Variants in BACH2 observed in about 807,000 individuals in gnomAD.
BACH2 encodes BACH transcriptional regulator 2, also known as transcription regulator protein BACH2.
Under a neutral mutation model 61.8 loss-of-function variants are expected in BACH2, and 5 were observed. The observed-to-expected ratio is 0.08, with a 90% CI of 0.04 to 0.17. The LOEUF (loss-of-function observed/expected upper bound fraction) is 0.17, where lower values mean the gene tolerates loss of function less well. Ranked by LOEUF, BACH2 falls within the 10% of genes least tolerant of loss-of-function variation. The probability of loss-of-function intolerance (pLI) is 1.00; values close to 1 mark genes in which losing one functional copy is unlikely to be tolerated. For synonymous variants in BACH2, 446 were observed against 440.1 expected, an observed-to-expected ratio of 1.01 and a Z score of -0.17; for missense variants, 824 against 1,091.1, an observed-to-expected ratio of 0.76 and a Z score of 3.45.
At chr6:90,158,772 G>C (rs1785083555) in intron 4 of BACH2, among the ~76,000 whole-genome samples, 1 of 148,572 alleles carries the variant, frequency 6.7e-6, no homozygotes, top group Non-Finnish European at 1.5e-5. Flanking sequence ...TGGTGGGGGG[G>C]GGGCACTTAC....
chr6:90,144,633 A>C (rs907537594), intron 4 of BACH2, among the ~76,000 whole-genome samples: 1 of 152,246 alleles, frequency 6.6e-6, no homozygotes, highest in Non-Finnish European at 1.5e-5. Flanking sequence ...CAGTCCTGAG[A>C]TATTTAAACA....
chr6:90,022,399 C>T (rs577994400), intron 5 of BACH2, among the ~76,000 whole-genome samples: 144 of 152,256 alleles, frequency 9.5e-4, no homozygotes, highest in Middle Eastern at 3.4e-3. Context: ...GCCTGGTCAA[C>T]ATGGTGAAAC....
In BACH2 at chr6:90,008,512, G is replaced by C; in HGVS notation, c.243+90C>G. ...ACATCAACTCCTGAGTGGGGACATG[G>C]CACCTAGTACATCTTCTAGCTCCTA... On this transcript the variant is annotated intron_variant, in intron 6 of 8. Coordinates refer to ENST00000257749, the MANE Select transcript of BACH2 (RefSeq NM_021813.4). This position sits in a 1 kb window ranked among gnomAD's most constrained non-coding sequence, Gnocchi z 4.1. 1 of 1,521,724 alleles carries C rather than the reference G, an allele frequency of 6.6e-7. No individual in the cohort carries two copies. Among genetic ancestry groups the C allele is most frequent in the Non-Finnish European group, 9.0e-7 (1 of 1,116,796 alleles). 94.3% of individuals were successfully genotyped at this position (1,521,724 alleles called of 1,614,324 possible). A position where few individuals can be genotyped will look rare whatever the true frequency, so the allele number is the denominator to read the frequency against.
At chr6:90,069,745 T>C (rs187951355) in intron 5 of BACH2, among the ~76,000 whole-genome samples, 1 of 152,058 alleles carries the variant, frequency 6.6e-6, no homozygotes, top group Non-Finnish European at 1.5e-5. Context: ...CTTTACAGAA[T>C]GCAGACAAGA....
At chr6:90,245,164 A>G (rs1037414027) in intron 3 of BACH2, among the ~76,000 whole-genome samples, 1 of 152,270 alleles carries the variant, frequency 6.6e-6, no homozygotes, top group African/African-American at 2.4e-5. Context: ...ATGCCACTGC[A>G]ATCCTGCCTG....
chr6:89,941,013 C>T (rs1251706217), intron 7 of BACH2, among the ~76,000 whole-genome samples: 1 of 152,058 alleles, frequency 6.6e-6, no homozygotes, highest in African/African-American at 2.4e-5. Context: ...TAAATGGACT[C>T]AATGAATCCC....
chr6:89,969,144 C>G (rs1582114238), intron 6 of BACH2, among the ~76,000 whole-genome samples: 1 of 149,674 alleles, frequency 6.7e-6, no homozygotes, highest in East Asian at 2.0e-4. Flanking sequence ...ACCTCCGCCT[C>G]CTGGGTTCAA....
intron 6 of BACH2, among the ~76,000 whole-genome samples, chr6:89,986,630 G>A (rs1052300281): frequency 1.3e-5 from 2 of 151,908 alleles, no homozygotes; most frequent in East Asian, 1.9e-4. Context: ...CTTTCCACCC[G>A]CTCTCTGAAT....
chr6:90,008,993 A>AT lies in BACH2; in HGVS notation c.-12-138dup. 9.6e-7 allele frequency: 1 copy of AT among 1,041,196 alleles called. No homozygotes were observed. The highest frequency in any genetic ancestry group is 1.4e-6 in the Non-Finnish European group (1 of 735,040). 64.5% of individuals were successfully genotyped at this position (1,041,196 alleles called of 1,614,324 possible). ...CATGAGCATGGCAGGAAGGAGGGGAATTACCAATCAGCATATTTGTGCTTA... is the reference window on the plus strand; with the variant it reads ...CATGAGCATGGCAGGAAGGAGGGGAATTTACCAATCAGCATATTTGTGCTTA... On this transcript the variant is annotated intron_variant, in intron 5 of 8. Transcript: ENST00000257749. The surrounding 1 kb of genome is among the most constrained non-coding windows in gnomAD (Gnocchi z 4.1).
At chr6:90,267,302 G>A (rs1771369151) in intron 2 of BACH2, among the ~76,000 whole-genome samples, 1 of 152,088 alleles carries the variant, frequency 6.6e-6, no homozygotes, top group South Asian at 2.1e-4. Context: ...GATCCAGCAG[G>A]CCCTTAAACA....
chr6:90,227,387 C>T (rs1202394189), intron 3 of BACH2, among the ~76,000 whole-genome samples: 1 of 152,162 alleles, frequency 6.6e-6, no homozygotes, highest in East Asian at 1.9e-4. Context: ...TCAGGCCTTA[C>T]AATCTTGTGA....
intron 7 of BACH2, among the ~76,000 whole-genome samples, chr6:89,947,608 C>T (rs1351326971): frequency 6.6e-6 from 1 of 151,918 alleles, no homozygotes; most frequent in Admixed American, 6.6e-5. Flanking sequence ...CTCTGTCACC[C>T]AGGCAGGAGT....
chr6:89,987,569 T>C (rs1375548961), intron 6 of BACH2, among the ~76,000 whole-genome samples: 1 of 152,180 alleles, frequency 6.6e-6, no homozygotes, highest in African/African-American at 2.4e-5. Context: ...TTCTCTTTCA[T>C]GCCAGAGGGT....
At chr6:90,052,716 C>T (rs988455320) in intron 5 of BACH2, among the ~76,000 whole-genome samples, 7 of 152,216 alleles carry the variant, frequency 4.6e-5, no homozygotes, top group Non-Finnish European at 1.0e-4. Context: ...CCACCACACC[C>T]AGCCCTTAAA....
At chr6:90,083,615 A>G (rs896391973) in intron 5 of BACH2, among the ~76,000 whole-genome samples, 2 of 152,208 alleles carry the variant, frequency 1.3e-5, no homozygotes, top group African/African-American at 4.8e-5. Context: ...GATTTCATAT[A>G]TTAGTTTTAA....
At chr6:90,179,102 G>T (rs1039970202) in intron 4 of BACH2, among the ~76,000 whole-genome samples, 2 of 152,084 alleles carry the variant, frequency 1.3e-5, no homozygotes, top group African/African-American at 4.8e-5. Context: ...TTGCAAAAGT[G>T]GCATTTGAAC....
At chr6:90,278,156 A>G (rs1318737322) in intron 1 of BACH2, among the ~76,000 whole-genome samples, 1 of 152,194 alleles carries the variant, frequency 6.6e-6, no homozygotes, top group Non-Finnish European at 1.5e-5. Context: ...TCAAATATTA[A>G]AGCTTCAATA....
chr6:90,209,790 T>C (rs1344526073), intron 3 of BACH2, among the ~76,000 whole-genome samples: 1 of 152,202 alleles, frequency 6.6e-6, no homozygotes, highest in African/African-American at 2.4e-5. Context: ...CCAACTGTTC[T>C]TATGTCATTT....
intron 2 of BACH2, among the ~76,000 whole-genome samples, chr6:90,265,226 A>C (rs1347769255): frequency 1.3e-5 from 2 of 152,210 alleles, no homozygotes; most frequent in Admixed American, 1.3e-4. Flanking sequence ...CAGCTGAGAG[A>C]GAGCATGGTG....
Sources: allele counts gnomAD v4.1 joint callset (sites outside exome capture counted in the v4.1 genomes callset), GRCh38; gene constraint gnomAD v4.1.1; non-coding constraint Gnocchi (gnomAD v3.1); transcripts MANE v1.5; gene names NCBI Gene and HGNC (gene_info 2026-07-23, HGNC 2026-07-21).